The following ASAP1 variants were observed in gnomAD, a reference collection of about 807,000 sequenced individuals.
ASAP1 encodes the protein arf-GAP with SH3 domain, ANK repeat and PH domain-containing protein 1.
A neutral mutation model predicts 145.2 loss-of-function variants in ASAP1; 43 were observed. The ratio of observed to expected loss-of-function variants is 0.30; its 90% CI spans 0.23 to 0.38. The LOEUF (loss-of-function observed/expected upper bound fraction) is 0.38, where lower values mean the gene tolerates loss of function less well. Ranked by LOEUF, ASAP1 falls within the 10% of genes least tolerant of loss-of-function variation. The pLI is 1.00. For missense variants in ASAP1, 1,018 were observed against 1,355.3 expected, an observed-to-expected ratio of 0.75 and a Z score of 3.91; for synonymous variants, 546 against 515.5, an observed-to-expected ratio of 1.06 and a Z score of -0.80.
chr8:130,301,798 T>C (rs1822685526), intron 3 of ASAP1, among the ~76,000 whole-genome samples: 1 of 152,240 alleles, frequency 6.6e-6, no homozygotes, highest in Non-Finnish European at 1.5e-5. Context: ...GATATGCATA[T>C]GCATTGTTGT....
At chr8:130,078,623 T>G (rs938032448) in intron 26 of ASAP1, among the ~76,000 whole-genome samples, 3 of 152,072 alleles carry the variant, frequency 2.0e-5, no homozygotes, top group African/African-American at 7.2e-5. Flanking sequence ...GTGTCAGATA[T>G]TCTCCTCACT....
At chr8:130,350,171 G>A (rs1825916823) in intron 3 of ASAP1, among the ~76,000 whole-genome samples, 1 of 152,194 alleles carries the variant, frequency 6.6e-6, no homozygotes, top group Admixed American at 6.5e-5. Context: ...GGGCTAGCAA[G>A]ATCCAGTTCC....
chr8:130,262,457 A>AGAGAGAGAGAGT (rs796416744), intron 3 of ASAP1, among the ~76,000 whole-genome samples: 11 of 127,874 alleles, frequency 8.6e-5, no homozygotes, highest in Non-Finnish European at 1.5e-4. Flanking sequence ...AGAGAGAGAG[A>AGAGAGAGAGAGT]ACCTGTGGAA....
intron 1 of ASAP1, among the ~76,000 whole-genome samples, chr8:130,441,730 G>T (rs988870794): frequency 2.6e-5 from 4 of 152,168 alleles, no homozygotes; most frequent in Non-Finnish European, 5.9e-5. Context: ...GTGAGGACTG[G>T]GGAGGTGTAG....
intron 4 of ASAP1, among the ~76,000 whole-genome samples, chr8:130,219,623 T>C (rs1341574587): frequency 6.6e-6 from 1 of 152,146 alleles, no homozygotes; most frequent in Non-Finnish European, 1.5e-5. Context: ...TAGAAGACTT[T>C]TGGGCACATA....
chr8:130,360,078 T>A (rs888883092), intron 2 of ASAP1, among the ~76,000 whole-genome samples: 6 of 152,202 alleles, frequency 3.9e-5, no homozygotes, highest in African/African-American at 1.4e-4. Flanking sequence ...CTCTCAAATA[T>A]TTACTAAGCA....
chr8:130,093,666 C>CAAAAAAAAAAAAAAAAAA lies in ASAP1; in HGVS notation c.2402-1541_2402-1524dup, dbSNP rs71572317. On this transcript the variant is annotated intron_variant, in intron 24 of 29. Transcript: ENST00000518721. ...TGGCTGTCACAGCGAGACTCCGTCT[C>CAAAAAAAAAAAAAAAAAA]AAAAAAAAAAAAAAAAAAAAAAAGA... 9.6e-5 allele frequency among the ~76,000 whole-genome samples: 5 copies of CAAAAAAAAAAAAAAAAAA among 52,200 alleles called. 1 individual carries two copies. The highest frequency in any genetic ancestry group is 7.8e-4 in the East Asian group (1 of 1,278). The allele number at this position is 52,200 out of a possible 152,430, so 34.2% of individuals were successfully genotyped here. A position where few individuals can be genotyped will look rare whatever the true frequency, so the allele number is the denominator to read the frequency against.
intron 25 of ASAP1, among the ~76,000 whole-genome samples, chr8:130,089,377 T>A (rs2097500817): frequency 6.6e-6 from 1 of 152,154 alleles, no homozygotes; most frequent in Admixed American, 6.5e-5. Context: ...GCTAAGGGGC[T>A]GTTCTTTTAC....
chr8:130,161,093 T>G (rs1212600820), intron 11 of ASAP1, among the ~76,000 whole-genome samples: 2 of 152,200 alleles, frequency 1.3e-5, no homozygotes, highest in African/African-American at 2.4e-5. Context: ...GATAAAATGG[T>G]TGACAAACCT....
At chr8:130,248,938 C>G (rs923854054) in intron 3 of ASAP1, among the ~76,000 whole-genome samples, 1 of 152,094 alleles carries the variant, frequency 6.6e-6, no homozygotes, top group Admixed American at 6.5e-5. Flanking sequence ...TTGTTGCTTT[C>G]TATTTTTTAG....
chr8:130,152,834 A>G (rs1313019171), intron 12 of ASAP1, 29 bp from the exon 13 acceptor site: 4 of 1,507,248 alleles, frequency 2.7e-6, no homozygotes, highest in Non-Finnish European at 3.7e-6. Flanking sequence ...ACAACTAGAT[A>G]TAGTAACTGA....
chr8:130,262,416 A>AAAAGAG (rs1819974520), intron 3 of ASAP1, among the ~76,000 whole-genome samples: 9 of 57,866 alleles, frequency 1.6e-4, no homozygotes, highest in Admixed American at 5.5e-4. Flanking sequence ...AAAAAAAAAA[A>AAAAGAG]AGAGAGAGAG....
chr8:130,318,801 G>A (rs1333042494), intron 3 of ASAP1, among the ~76,000 whole-genome samples: 3 of 152,026 alleles, frequency 2.0e-5, no homozygotes, highest in Non-Finnish European at 4.4e-5. Flanking sequence ...CCTCATCTCA[G>A]AAATAAGACA....
intron 1 of ASAP1, among the ~76,000 whole-genome samples, chr8:130,436,281 G>A (rs1044731877): frequency 1.3e-5 from 2 of 152,148 alleles, no homozygotes; most frequent in African/African-American, 4.8e-5. Context: ...GAGACAGGAG[G>A]TCCGCTTGAA....
At chr8:130,150,258 C>T (rs547523448) in intron 13 of ASAP1, among the ~76,000 whole-genome samples, 1 of 152,226 alleles carries the variant, frequency 6.6e-6, no homozygotes, top group African/African-American at 2.4e-5. Context: ...TTAATTCAAG[C>T]CTTAAGAATG....
chr8:130,401,895 G>A lies in ASAP1; in HGVS notation c.49C>T (p.Leu17=), dbSNP rs1211571332. The change falls in exon 2 of 30, where the codon CTA becomes TTA. Residue 17 remains leucine (L), a synonymous_variant. Transcript: ENST00000518721. The part of the protein sequence containing the change: ...RLSSFSSRDS[L]WNRMPDQISV... Reference sequence around the variant, plus strand: ...CTAGAGATCACTCACCGATTCCATAGTGAATCTCTCGACGAAAAACTGGAG... The same window carrying A: ...CTAGAGATCACTCACCGATTCCATAATGAATCTCTCGACGAAAAACTGGAG... The A allele has an allele frequency of 1.2e-6, 2 of 1,613,558 alleles. No individual in the cohort carries two copies. Among genetic ancestry groups the A allele is most frequent in the Non-Finnish European group, 1.7e-6 (2 of 1,179,902 alleles).
At chr8:130,335,866 CTT>C (rs1825001096) in intron 3 of ASAP1, among the ~76,000 whole-genome samples, 1 of 152,172 alleles carries the variant, frequency 6.6e-6, no homozygotes, top group South Asian at 2.1e-4. Context: ...GATATGGAAA[CTT>C]ATTTCTCTTA....
chr8:130,366,917 G>GTTT (rs1826983600), intron 2 of ASAP1, among the ~76,000 whole-genome samples: 1 of 101,178 alleles, frequency 9.9e-6, no homozygotes, highest in Non-Finnish European at 2.0e-5. Flanking sequence ...TTGAGACAGA[G>GTTT]TCTTTCTCTG....
intron 3 of ASAP1, among the ~76,000 whole-genome samples, chr8:130,245,811 C>T (rs1818813403): frequency 6.6e-6 from 1 of 152,144 alleles, no homozygotes; most frequent in African/African-American, 2.4e-5. Context: ...TTCTCATGTA[C>T]TATTTGTTTT....
Sources: allele counts gnomAD v4.1 joint callset (sites outside exome capture counted in the v4.1 genomes callset), GRCh38; gene constraint gnomAD v4.1.1; transcripts MANE v1.5; gene names NCBI Gene and HGNC (gene_info 2026-07-23, HGNC 2026-07-21).